The following SLC4A1 variants were observed in gnomAD, a reference collection of about 807,000 sequenced individuals.
The protein encoded by SLC4A1 is solute carrier family 4 member 1 (Diego blood group), also known as band 3 anion transport protein.
A neutral mutation model predicts 93.1 loss-of-function variants in SLC4A1; 29 were observed. That is an observed-to-expected ratio of 0.31 (90% CI 0.23 to 0.42). SLC4A1 has a LOEUF of 0.42. SLC4A1 is among the 20% of genes least tolerant of loss of function. The pLI, the probability that SLC4A1 is intolerant of heterozygous loss-of-function variation, is 1.00. For synonymous variants in SLC4A1, 469 were observed against 497.2 expected (o/e 0.94, Z 0.76); for missense variants, 965 against 1,190.1 (o/e 0.81, Z 2.78).
chr17:44,255,656 G>A lies in SLC4A1; in HGVS notation c.1800+17C>T, dbSNP rs370756072. The A allele has an allele frequency of 3.5e-5, 57 of 1,612,440 alleles. No homozygotes were observed. Among genetic ancestry groups the A allele is most frequent in the Non-Finnish European group, 4.7e-5 (56 of 1,179,264 alleles). ...TAGGGCAGTGTTGGCAAGGACAGGC[G>A]AGGAGGGTATGCTGACCTTGCCAGG... On this transcript the variant is annotated intron_variant, in intron 14 of 19. Coordinates refer to ENST00000262418, the MANE Select transcript of SLC4A1 (RefSeq NM_000342.4).
At position 44,258,241 on chromosome 17, in the gene SLC4A1, G is replaced by T; in HGVS notation, c.1088-61C>A. The T allele has an allele frequency of 1.3e-6, 2 of 1,533,250 alleles. No homozygotes were observed. The highest frequency in any genetic ancestry group is 1.1e-5 in the South Asian group (1 of 89,438). 95.0% of individuals were successfully genotyped at this position (1,533,250 alleles called of 1,614,324 possible). ...AGCTGGAGGAGGTGAGGGGAAAGGG[G>T]ACTGGAGGGTGTAGGGGAGATTGTC... On this transcript the variant is annotated intron_variant, in intron 10 of 19. Transcript: ENST00000262418. The surrounding 1 kb of genome is among the most constrained non-coding windows in gnomAD (Gnocchi z 6.1).
At chr17:44,263,721 C>CCTTT (rs2047470840) in intron 1 of SLC4A1, among the ~76,000 whole-genome samples, 1 of 145,620 alleles carries the variant, frequency 6.9e-6, no homozygotes, top group African/African-American at 2.8e-5. Flanking sequence ...TTCCTTCCTT[C>CCTTT]CTTCCTTCCT....
chr17:44,259,592 G>C lies in SLC4A1; in HGVS notation c.610-11C>G. Reference sequence around the variant, plus strand: ...TGTGCCCCCATCTCCCTGTGGGAAGGAGGGTGGTGACGGGAGTCCTCGGGC... The same window carrying C: ...TGTGCCCCCATCTCCCTGTGGGAAGCAGGGTGGTGACGGGAGTCCTCGGGC... On this transcript the variant is annotated splice_polypyrimidine_tract_variant and intron_variant, in intron 7 of 19. Transcript: ENST00000262418. 1 of 1,609,578 alleles carries C rather than the reference G, an allele frequency of 6.2e-7. No individual in the cohort carries two copies. Among genetic ancestry groups the C allele is most frequent in the Non-Finnish European group, 8.5e-7 (1 of 1,175,892 alleles).
In SLC4A1 at chr17:44,258,707, C is replaced by A. The variant is rs2047413488; in HGVS notation, c.877-84G>T. 1 of 1,332,856 alleles carries A rather than the reference C, an allele frequency of 7.5e-7. No homozygotes were observed. The highest frequency in any genetic ancestry group is 2.5e-4 in the Middle Eastern group (1 of 3,982). 82.6% of individuals were successfully genotyped at this position (1,332,856 alleles called of 1,614,324 possible). On this transcript the variant is annotated intron_variant, in intron 9 of 19. Transcript: ENST00000262418. This position sits in a 1 kb window ranked among gnomAD's most constrained non-coding sequence, Gnocchi z 6.1. ...GTCCACAGCCAGGGCCTCCAGGAAC[C>A]AGAACCCCCTCAGGCAGCAGCTCCC...
At chr17:44,259,605 G>A in intron 7 of SLC4A1, 24 bp from the exon 8 acceptor site, 1 of 1,588,466 alleles carries the variant, frequency 6.3e-7, no homozygotes, top group Non-Finnish European at 8.6e-7. Context: ...GGTGGTGACG[G>A]GAGTCCTCGG....
In SLC4A1 at chr17:44,255,746, A is replaced by C; in HGVS notation, c.1727T>G (p.Val576Gly). Residue 576 changes from valine to glycine, a missense_variant, in exon 14 of 20, where the codon GTG becomes GGG. Coordinates refer to ENST00000262418, the MANE Select transcript of SLC4A1 (RefSeq NM_000342.4). Reference sequence around the variant, plus strand: ...AAAGAAGAAGGTACCGGCCATGAGCACAAGGGAGAGGAGGGCTGTGTTGGG... The same window carrying C: ...AAAGAAGAAGGTACCGGCCATGAGCCCAAGGGAGAGGAGGGCTGTGTTGGG... ...PLPNTALLSLVLMAGTFFFAM... is the reference protein window; with the variant it reads ...PLPNTALLSLGLMAGTFFFAM... 1.2e-6 allele frequency: 2 copies of C among 1,614,124 alleles called. No homozygotes were observed. The highest frequency in any genetic ancestry group is 1.7e-6 in the Non-Finnish European group (2 of 1,180,022).
At chr17:44,263,535 C>T (rs376531479) in intron 1 of SLC4A1, among the ~76,000 whole-genome samples, 11 of 152,258 alleles carry the variant, frequency 7.2e-5, no homozygotes, top group African/African-American at 2.6e-4. Flanking sequence ...CTTTCCTGTC[C>T]CAGGGCCTTT....
intron 17 of SLC4A1, among the ~76,000 whole-genome samples, chr17:44,252,793 A>T (rs939587186): frequency 2.0e-5 from 3 of 152,204 alleles, no homozygotes; most frequent in Non-Finnish European, 2.9e-5. Flanking sequence ...ACCCAGAGAC[A>T]AGGAGGGATA....
chr17:44,267,281 G>A (rs898221869), intron 1 of SLC4A1, among the ~76,000 whole-genome samples: 3 of 152,184 alleles, frequency 2.0e-5, no homozygotes, highest in Admixed American at 6.5e-5. Flanking sequence ...CTAACGGCGT[G>A]TGACTTCAAC....
In SLC4A1 at chr17:44,264,080, T is replaced by C. The variant is rs188221485; in HGVS notation, c.-68-1146A>G. On this transcript the variant is annotated intron_variant, in intron 1 of 19. Coordinates refer to ENST00000262418, the MANE Select transcript of SLC4A1 (RefSeq NM_000342.4). ...TGCAGTGGCATGATTACAGCTCACA[T>C]CAGTCTCAAACTCCTAGACTTAAGT... Among the ~76,000 whole-genome samples the C allele has an allele frequency of 8.5e-5, 13 of 152,264 alleles. No homozygotes were observed. In the East Asian group the frequency reaches 2.5e-3, roughly 29 times the overall value.
chr17:44,251,108 G>A (rs1255940223), intron 19 of SLC4A1, 51 bp downstream of exon 19: 3 of 1,543,106 alleles, frequency 1.9e-6, no homozygotes, highest in Non-Finnish European at 1.8e-6. Context: ...TCTGAGACGC[G>A]CCCCTCGCAT....
Position 44,257,974 on chromosome 17 carries a change from A to G in SLC4A1, c.1282+12T>C. On this transcript the variant is annotated intron_variant, in intron 11 of 19. Coordinates refer to ENST00000262418, the MANE Select transcript of SLC4A1 (RefSeq NM_000342.4). ...AGAGGCAAGAGTTAGGGAGACAGGT[A>G]TTGGCACTGACCCAGGAGGCCGCCG... 6.2e-7 allele frequency: 1 copy of G among 1,614,012 alleles called. No homozygotes were observed. The highest frequency in any genetic ancestry group is 8.5e-7 in the Non-Finnish European group (1 of 1,179,934).
chr17:44,255,414 A>G, intron 14 of SLC4A1, 118 bp from the exon 15 acceptor site: 1 of 809,068 alleles, frequency 1.2e-6, no homozygotes, highest in Admixed American at 2.1e-5. Flanking sequence ...TCAGCATCTA[A>G]TGCCCTGTCC....
At position 44,255,865 on chromosome 17, in the gene SLC4A1, G is replaced by A. The variant is rs1166490448; in HGVS notation, c.1627-19C>T. 6.2e-7 allele frequency: 1 copy of A among 1,613,762 alleles called. No homozygotes were observed. Among genetic ancestry groups the A allele is most frequent in the African/African-American group, 1.3e-5 (1 of 74,870 alleles). On this transcript the variant is annotated intron_variant, in intron 13 of 19. Transcript: ENST00000262418. Reference sequence around the variant, plus strand: ...GGAAGATCTGCAGCAGAAAACCAAGGCATTCTGTTCTCTCCCAGCTTTGGC... The same window carrying A: ...GGAAGATCTGCAGCAGAAAACCAAGACATTCTGTTCTCTCCCAGCTTTGGC...
chr17:44,263,707 C>CTCCTTCCT (rs111483250), intron 1 of SLC4A1, among the ~76,000 whole-genome samples: 2,422 of 140,368 alleles, frequency 0.017, 34 homozygotes, highest in Non-Finnish European at 0.024. Flanking sequence ...CCTCCCTTCC[C>CTCCTTCCT]TCCTTCCTTC....
At chr17:44,257,880 A>G in intron 11 of SLC4A1, 73 bp from the exon 12 acceptor site, 1 of 1,607,398 alleles carries the variant, frequency 6.2e-7, no homozygotes, top group Non-Finnish European at 8.5e-7. Context: ...AGTCATGGTC[A>G]GGCTGATGCA....
In SLC4A1 at chr17:44,266,075, G is replaced by A. The variant is rs180820576; in HGVS notation, c.-69+1979C>T. Among the ~76,000 whole-genome samples the A allele has an allele frequency of 5.3e-5, 8 of 152,226 alleles. No homozygotes were observed. The East Asian group carries it at 1.4e-3, about 26-fold the overall frequency. On this transcript the variant is annotated intron_variant, in intron 1 of 19. Transcript: ENST00000262418. ...TCCTGGGGGTAGGGAGGGGATTACT[G>A]GATCTCACCAGACTGGAGAATGGGA...
chr17:44,266,571 C>A (rs905613125), intron 1 of SLC4A1, among the ~76,000 whole-genome samples: 1 of 152,178 alleles, frequency 6.6e-6, no homozygotes, highest in African/African-American at 2.4e-5. Flanking sequence ...TGCCTTCCTG[C>A]CAGGGTTCTG....
chr17:44,258,400 G>A lies in SLC4A1; in HGVS notation c.1087+13C>T, dbSNP rs376350509. The stretch of plus-strand genomic sequence containing the variant: ...TGGGGGCTCAGAAAGCCTCAGCTGG[G>A]AAGGGCAGGTACCTAGGCCCTTGTA... On this transcript the variant is annotated intron_variant, in intron 10 of 19. Transcript: ENST00000262418. This position sits in a 1 kb window ranked among gnomAD's most constrained non-coding sequence, Gnocchi z 6.1. 3.3e-5 allele frequency: 53 copies of A among 1,612,498 alleles called. No homozygotes were observed. The highest frequency in any genetic ancestry group is 4.3e-5 in the Non-Finnish European group (51 of 1,178,712).
Sources: allele counts gnomAD v4.1 joint callset (sites outside exome capture counted in the v4.1 genomes callset), GRCh38; gene constraint gnomAD v4.1.1; non-coding constraint Gnocchi (gnomAD v3.1); transcripts MANE v1.5; gene names NCBI Gene and HGNC (gene_info 2026-07-23, HGNC 2026-07-21).